The following TMT1A variants were observed in gnomAD, a reference collection of about 807,000 sequenced individuals.
TMT1A encodes thiol S-methyltransferase TMT1A.
chr12:50,929,854 A>T, the TMT1A span: 3 of 1,497,804 alleles, frequency 2.0e-6, no homozygotes, highest in Non-Finnish European at 2.7e-6. Context: ...TCAAAAAATA[A>T]ATTAAAAAAG....
the TMT1A span, chr12:50,925,627 CA>C: frequency 7.2e-7 from 1 of 1,390,984 alleles, no homozygotes; most frequent in Non-Finnish European, 9.5e-7. Context: ...AACATTTTAA[CA>C]TAAAAAGTAA....
the TMT1A span, chr12:50,925,399 C>T: frequency 6.2e-7 from 1 of 1,614,166 alleles, no homozygotes. Flanking sequence ...GCAGTTTGAG[C>T]GCTTTGTGGT....
chr12:50,929,052 A>G, the TMT1A span, among the ~76,000 whole-genome samples: 4 of 151,958 alleles, frequency 2.6e-5, no homozygotes, highest in South Asian at 8.3e-4. Context: ...AGCCTGGGCA[A>G]TGCGGCGAAA....
At chr12:50,926,636 A>G in the TMT1A span, among the ~76,000 whole-genome samples, 2 of 152,318 alleles carry the variant, frequency 1.3e-5, no homozygotes, top group African/African-American at 4.8e-5. Flanking sequence ...ATACTTAAAA[A>G]TCCCCAAGGG....
the TMT1A span, among the ~76,000 whole-genome samples, chr12:50,926,531 T>C: frequency 6.6e-6 from 1 of 152,184 alleles, no homozygotes; most frequent in South Asian, 2.1e-4. Flanking sequence ...ATAACTGAAA[T>C]GTCTATCAAT....
the TMT1A span, among the ~76,000 whole-genome samples, chr12:50,929,175 C>T: frequency 5.3e-5 from 8 of 152,242 alleles, no homozygotes; most frequent in South Asian, 1.5e-3. Context: ...GCAGAGGTTG[C>T]AGTGAGCTGA....
the TMT1A span, chr12:50,929,997 C>A: frequency 6.2e-7 from 1 of 1,614,064 alleles, no homozygotes; most frequent in Non-Finnish European, 8.5e-7. Context: ...TGGATCCTGC[C>A]TGGCACCTTC....
the TMT1A span, among the ~76,000 whole-genome samples, chr12:50,926,016 CA>C: frequency 0.029 from 750 of 26,028 alleles, 17 homozygotes; most frequent in South Asian, 0.11. Flanking sequence ...AACTCCATCT[CA>C]AAAAAAAAAA....
chr12:50,929,127 T>TG, the TMT1A span, among the ~76,000 whole-genome samples: 2 of 151,826 alleles, frequency 1.3e-5, no homozygotes, highest in African/African-American at 4.8e-5. Context: ...CCCAGCTACT[T>TG]GGGGGGCTGA....
the TMT1A span, among the ~76,000 whole-genome samples, chr12:50,928,597 T>G: frequency 2.6e-5 from 4 of 152,178 alleles, no homozygotes; most frequent in African/African-American, 7.2e-5. Flanking sequence ...AAACATCTCA[T>G]GTAACCATTT....
At chr12:50,926,605 C>G in the TMT1A span, among the ~76,000 whole-genome samples, 1 of 152,128 alleles carries the variant, frequency 6.6e-6, no homozygotes, top group Non-Finnish European at 1.5e-5. Flanking sequence ...TCAGAAAGAA[C>G]AAGAAGAGTT....
the TMT1A span, chr12:50,925,512 C>T: frequency 6.2e-7 from 1 of 1,613,754 alleles, no homozygotes. Context: ...GGATTCTCCG[C>T]GAGGTGTGCA....
chr12:50,928,087 AGTG>A, the TMT1A span, among the ~76,000 whole-genome samples: 1 of 152,334 alleles, frequency 6.6e-6, no homozygotes, highest in Non-Finnish European at 1.5e-5. Context: ...GGCCTCCCAA[AGTG>A]GTGGGATTAC....
the TMT1A span, chr12:50,930,144 G>A: frequency 6.2e-7 from 1 of 1,600,610 alleles, no homozygotes; most frequent in Non-Finnish European, 8.5e-7. Context: ...GATATGCTGT[G>A]AAATAGTGTG....
the TMT1A span, among the ~76,000 whole-genome samples, chr12:50,926,469 C>G: frequency 2.0e-5 from 3 of 152,168 alleles, no homozygotes; most frequent in Admixed American, 1.3e-4. Flanking sequence ...CATGCAAAAA[C>G]TTGTCCATAC....
chr12:50,929,939 A>C, the TMT1A span: 4 of 1,613,590 alleles, frequency 2.5e-6, no homozygotes, highest in South Asian at 3.3e-5. Context: ...TTCATGGAGC[A>C]TGTGGCAGCT....
At chr12:50,929,928 T>G in the TMT1A span, 4 of 1,611,814 alleles carry the variant, frequency 2.5e-6, no homozygotes, top group Non-Finnish European at 3.4e-6. Flanking sequence ...GGGCTTTCTA[T>G]TTCATGGAGC....
chr12:50,928,106 T>C, the TMT1A span, among the ~76,000 whole-genome samples: 1 of 152,238 alleles, frequency 6.6e-6, no homozygotes, highest in South Asian at 2.1e-4. Flanking sequence ...ATTACAGGTG[T>C]GAGCCACCGC....
the TMT1A span, among the ~76,000 whole-genome samples, chr12:50,929,660 C>T: frequency 6.6e-6 from 1 of 152,148 alleles, no homozygotes; most frequent in Non-Finnish European, 1.5e-5. Context: ...ACCTTGAATT[C>T]AGTAATGATT....
Sources: gnomAD v4.1 joint callset for allele counts (sites outside exome capture counted in the v4.1 genomes callset) on GRCh38, gnomAD v4.1.1 for gene constraint, MANE v1.5 for transcripts, NCBI Gene and HGNC (gene_info 2026-07-23, HGNC 2026-07-21) for gene names.